The following CFTR variants were observed in gnomAD, a reference collection of about 807,000 sequenced individuals.
CFTR encodes the protein CF transmembrane conductance regulator, also known as cystic fibrosis transmembrane conductance regulator.
A neutral mutation model predicts 171.6 loss-of-function variants in CFTR; 181 were observed. The observed-to-expected ratio is 1.05, with a 90% CI of 0.93 to 1.19. CFTR has a LOEUF of 1.19. Ranked by LOEUF, CFTR falls within the 50% of genes most tolerant of loss-of-function variation. The probability of loss-of-function intolerance (pLI) is 0.00; values close to 1 mark genes in which losing one functional copy is unlikely to be tolerated. For synonymous variants in CFTR, 583 were observed against 608.0 expected (o/e 0.96, Z 0.60); for missense variants, 1,968 against 1,734.7 (o/e 1.13, Z -2.39).
chr7:117,518,174 T>G lies in CFTR; in HGVS notation c.273+9032T>G, dbSNP rs548478412. 1.3e-3 allele frequency among the ~76,000 whole-genome samples: 197 copies of G among 151,704 alleles called. 1 individual carries two copies. Among genetic ancestry groups the G allele is most frequent in the African/African-American group, 4.7e-3 (195 of 41,458 alleles). On this transcript the variant is annotated intron_variant, in intron 3 of 26. Coordinates refer to ENST00000003084, the MANE Select transcript of CFTR (RefSeq NM_000492.4). Reference sequence around the variant, plus strand: ...GCAAAAGTAATTGTGGTTTTCACCATTGAAAGTAATGGCAAAGACCATCAT... The same window carrying G: ...GCAAAAGTAATTGTGGTTTTCACCAGTGAAAGTAATGGCAAAGACCATCAT...
chr7:117,482,811 G>A (rs34268361), intron 1 of CFTR, among the ~76,000 whole-genome samples: 11,392 of 152,046 alleles, frequency 0.075, 437 homozygotes, highest in Middle Eastern at 0.11. Flanking sequence ...TTCATATTTC[G>A]TTTAGTTGTA....
intron 10 of CFTR, among the ~76,000 whole-genome samples, chr7:117,557,975 T>TAA (rs899148632): frequency 5.9e-5 from 9 of 151,738 alleles, no homozygotes; most frequent in Non-Finnish European, 1.2e-4. Flanking sequence ...GTACATAACA[T>TAA]AAAATTTATC....
intron 15 of CFTR, among the ~76,000 whole-genome samples, chr7:117,599,020 T>C (rs1378591122): frequency 6.6e-6 from 1 of 152,168 alleles, no homozygotes; most frequent in Non-Finnish European, 1.5e-5. Flanking sequence ...AACAGCAATA[T>C]AATGAAAATT....
At position 117,530,950 on chromosome 7, in the gene CFTR, T is replaced by C. The variant is rs397508522; in HGVS notation, c.325T>C (p.Tyr109His). ...PLLLGRIIASYDPDNKEERSI... is the reference protein window; with the variant it reads ...PLLLGRIIASHDPDNKEERSI... ...CTTACTGGGAAGAATCATAGCTTCC[T>C]ATGACCCGGATAACAAGGAGGAACG... The change falls in exon 4 of 27, where the codon TAT (tyrosine) becomes CAT (histidine). Residue 109 changes from tyrosine (Y) to histidine (H), a missense_variant. By Grantham distance (83) the Tyr-to-His change is moderately conservative. Transcript: ENST00000003084. The C allele has an allele frequency of 1.2e-6, 2 of 1,613,728 alleles. No homozygotes were observed. The highest frequency in any genetic ancestry group is 1.7e-6 in the Non-Finnish European group (2 of 1,179,858).
chr7:117,500,427 C>T (rs772800002), intron 1 of CFTR, among the ~76,000 whole-genome samples: 41 of 151,822 alleles, frequency 2.7e-4, no homozygotes, highest in Non-Finnish European at 4.0e-4. Flanking sequence ...GCTGGGATTA[C>T]AGGCATGTGC....
intron 15 of CFTR, among the ~76,000 whole-genome samples, chr7:117,598,872 G>C (rs191405750): frequency 1.3e-5 from 2 of 152,014 alleles, no homozygotes; most frequent in African/African-American, 4.8e-5. Flanking sequence ...GCCATTTTGT[G>C]GTTTAAAATA....
chr7:117,551,224 A>G (rs912923871), intron 10 of CFTR, among the ~76,000 whole-genome samples: 2 of 152,192 alleles, frequency 1.3e-5, no homozygotes, highest in African/African-American at 4.8e-5. Flanking sequence ...TAGTTCTATA[A>G]TGGCGTGTTA....
chr7:117,609,439 G>A (rs1792348567), intron 18 of CFTR, among the ~76,000 whole-genome samples: 1 of 152,124 alleles, frequency 6.6e-6, no homozygotes, highest in African/African-American at 2.4e-5. Flanking sequence ...ATATTATAAA[G>A]TGGTTTTTTT....
At chr7:117,499,323 A>C (rs768758513) in intron 1 of CFTR, among the ~76,000 whole-genome samples, 19 of 151,928 alleles carry the variant, frequency 1.3e-4, no homozygotes, top group Non-Finnish European at 2.2e-4. Context: ...TCAAAGCTTT[A>C]ATAGTGATTA....
At chr7:117,537,124 T>C (rs1029624341) in intron 7 of CFTR, among the ~76,000 whole-genome samples, 5 of 152,204 alleles carry the variant, frequency 3.3e-5, no homozygotes, top group African/African-American at 7.2e-5. Flanking sequence ...ATATGTTTGC[T>C]CTTCCTTAAC....
At chr7:117,588,518 ATTC>A (rs1791980290) in intron 12 of CFTR, among the ~76,000 whole-genome samples, 2 of 152,148 alleles carry the variant, frequency 1.3e-5, no homozygotes, top group Non-Finnish European at 2.9e-5. Context: ...TCTGAACAAA[ATTC>A]TTCTCACTTT....
At chr7:117,606,859 C>T in intron 18 of CFTR, 106 bp downstream of exon 18, 2 of 770,628 alleles carry the variant, frequency 2.6e-6, no homozygotes, top group Non-Finnish European at 4.7e-6. Flanking sequence ...GGGTTGAAGT[C>T]CTGTCTATTG....
intron 10 of CFTR, among the ~76,000 whole-genome samples, chr7:117,556,768 C>T (rs1235791618): frequency 6.6e-6 from 1 of 151,170 alleles, no homozygotes; most frequent in East Asian, 1.9e-4. Flanking sequence ...ATCCGCCCGC[C>T]TCGGCCTCCC....
chr7:117,482,676 A>T (rs1328778953), intron 1 of CFTR, among the ~76,000 whole-genome samples: 2 of 152,200 alleles, frequency 1.3e-5, no homozygotes, highest in African/African-American at 4.8e-5. Context: ...TTGATTTATA[A>T]ATGGTCACCA....
chr7:117,506,146 G>A (rs1192426996), intron 2 of CFTR, among the ~76,000 whole-genome samples: 4 of 152,178 alleles, frequency 2.6e-5, no homozygotes, highest in African/African-American at 7.2e-5. Flanking sequence ...GAAACCTGTA[G>A]CATTGCTGGA....
chr7:117,664,407 T>G (rs1338418408), intron 24 of CFTR, among the ~76,000 whole-genome samples: 1 of 152,198 alleles, frequency 6.6e-6, no homozygotes, highest in Non-Finnish European at 1.5e-5. Context: ...ACGTATTGTT[T>G]TCTTACTACT....
At chr7:117,501,948 T>G (rs1240191896) in intron 1 of CFTR, among the ~76,000 whole-genome samples, 1 of 152,228 alleles carries the variant, frequency 6.6e-6, no homozygotes, top group East Asian at 1.9e-4. Flanking sequence ...AATATGCAAC[T>G]GTGTATCCCT....
At chr7:117,635,032 A>T (rs897692351) in intron 22 of CFTR, among the ~76,000 whole-genome samples, 34 of 152,118 alleles carry the variant, frequency 2.2e-4, no homozygotes, top group African/African-American at 8.0e-4. Flanking sequence ...AGATCTGTCC[A>T]TTCTTTGCAG....
intron 10 of CFTR, among the ~76,000 whole-genome samples, chr7:117,549,198 T>C (rs1382076786): frequency 1.3e-5 from 2 of 152,224 alleles, no homozygotes; most frequent in Admixed American, 6.5e-5. Context: ...CATTTTGCCT[T>C]AGTAACCACA....
Sources: gnomAD v4.1 joint callset for allele counts (sites outside exome capture counted in the v4.1 genomes callset) on GRCh38, gnomAD v4.1.1 for gene constraint, MANE v1.5 for transcripts, NCBI Gene and HGNC (gene_info 2026-07-23, HGNC 2026-07-21) for gene names.